GDF10: variants seen among roughly 807,000 people sequenced by gnomAD.
The protein encoded by GDF10 is growth/differentiation factor 10.
A neutral mutation model predicts 32.1 loss-of-function variants in GDF10; 23 were observed. The ratio of observed to expected loss-of-function variants is 0.72; its 90% confidence interval spans 0.52 to 1.02. The LOEUF (loss-of-function observed/expected upper bound fraction) is 1.02. GDF10 is among the 50% of genes least tolerant of loss of function. The probability of loss-of-function intolerance (pLI) is 0.00; values close to 1 mark genes in which losing one functional copy is unlikely to be tolerated. For synonymous variants in GDF10, 328 were observed against 303.1 expected (o/e 1.08, Z -0.85); for missense variants, 764 against 673.9 (o/e 1.13, Z -1.48).
rs781870251 is a variant in GDF10, at chr10:47,300,783, C to T, written c.132C>T (p.Pro44=). The T allele has an allele frequency of 1.9e-6, 3 of 1,567,132 alleles. No homozygotes were observed. In the South Asian group the frequency reaches 3.4e-5, roughly 18 times the overall value. Residue 44 remains proline, a synonymous_variant, in exon 1 of 3, where the codon CCC becomes CCT. Coordinates refer to ENST00000580279, the MANE Select transcript of GDF10 (RefSeq NM_004962.5). ...SHRAPAWSAL[P]AAADGLQGDR... ...GGGCCCCCGCCTGGTCCGCACTGCC[C>T]GCGGCCGCCGACGGCCTGCAGGGGG...
intron 1 of GDF10, among the ~76,000 whole-genome samples, chr10:47,302,348 A>T (rs528693596): frequency 1.8e-4 from 28 of 152,336 alleles, no homozygotes; most frequent in African/African-American, 6.7e-4. Context: ...GATGTACGGG[A>T]TTCCCCTGGG....
In GDF10 at chr10:47,312,715, C is replaced by G. The variant is rs2061051275; in HGVS notation, c.1360C>G (p.Leu454Val). Residue 454 changes from leucine to valine, a missense_variant, in exon 3 of 3, where the codon CTC becomes GTC. Leu to Val is a conservative substitution (Grantham distance 32). Transcript: ENST00000580279. ...CGATAAGATGAACTCCCTTGGGGTC[C>G]TCTTCCTGGATGAGAATCGGAATGT... Reference protein sequence around the residue: ...VPDKMNSLGVLFLDENRNVVL... With the variant: ...VPDKMNSLGVVFLDENRNVVL... 5 of 1,607,800 alleles carry G rather than the reference C, an allele frequency of 3.1e-6. No individual in the cohort carries two copies. Among genetic ancestry groups the G allele is most frequent in the Non-Finnish European group, 3.4e-6 (4 of 1,176,662 alleles).
chr10:47,306,379 T>C (rs2061023097), intron 1 of GDF10, among the ~76,000 whole-genome samples: 1 of 152,234 alleles, frequency 6.6e-6, no homozygotes, highest in African/African-American at 2.4e-5. Context: ...AGGCTGTGGT[T>C]ACTGCACTCT....
intron 1 of GDF10, 61 bp from the exon 2 acceptor site, chr10:47,309,735 G>T: frequency 8.7e-7 from 1 of 1,151,544 alleles, no homozygotes; most frequent in Non-Finnish European, 1.3e-6. Flanking sequence ...AGCCCTGGGT[G>T]GGAGACCCTC....
At chr10:47,307,733 T>A (rs1172781295) in intron 1 of GDF10, among the ~76,000 whole-genome samples, 3 of 152,222 alleles carry the variant, frequency 2.0e-5, no homozygotes, top group Non-Finnish European at 4.4e-5. Context: ...AGCAGAACAA[T>A]GGAGGAGTTG....
At chr10:47,310,821 T>C in intron 2 of GDF10, 100 bp downstream of exon 2, 1 of 795,914 alleles carries the variant, frequency 1.3e-6, no homozygotes, top group Non-Finnish European at 2.1e-6. Context: ...ATCTGCAAAA[T>C]GGGAATAACA....
chr10:47,303,997 G>T (rs1179096393), intron 1 of GDF10, among the ~76,000 whole-genome samples: 1 of 152,176 alleles, frequency 6.6e-6, no homozygotes, highest in African/African-American at 2.4e-5. Flanking sequence ...GGCCTGGGGG[G>T]TGGCATATAA....
At position 47,310,222 on chromosome 10, in the gene GDF10, A is replaced by G; in HGVS notation, c.746A>G (p.Asn249Ser). 3 of 1,610,728 alleles carry G rather than the reference A, an allele frequency of 1.9e-6. No homozygotes were observed. Among genetic ancestry groups the G allele is most frequent in the Non-Finnish European group, 2.5e-6 (3 of 1,178,746 alleles). The change falls in exon 2 of 3, where the codon AAC becomes AGC. Residue 249 changes from asparagine (N) to serine (S), a missense_variant. By Grantham distance (46) the Asn-to-Ser change is conservative. Coordinates refer to ENST00000580279, the MANE Select transcript of GDF10 (RefSeq NM_004962.5). ...GCGCCCTACATCCTAGTCTATGCCAACGATCTGGCCATCTCGGAGCCCAAC... is the reference window on the plus strand; with the variant it reads ...GCGCCCTACATCCTAGTCTATGCCAGCGATCTGGCCATCTCGGAGCCCAAC... Reference protein sequence around the residue: ...PYAPYILVYANDLAISEPNSV... With the variant: ...PYAPYILVYASDLAISEPNSV...
At chr10:47,301,744 G>A (rs545461396) in intron 1 of GDF10, among the ~76,000 whole-genome samples, 3 of 152,328 alleles carry the variant, frequency 2.0e-5, no homozygotes, top group East Asian at 1.9e-4. Context: ...GGGGTGGTGA[G>A]AAGACCCTGG....
intron 2 of GDF10, among the ~76,000 whole-genome samples, chr10:47,312,109 A>G: frequency 6.6e-6 from 1 of 152,300 alleles, no homozygotes; most frequent in Non-Finnish European, 1.5e-5. Context: ...GCCCCTAGGA[A>G]ATGTCAATGT....
intron 1 of GDF10, among the ~76,000 whole-genome samples, chr10:47,306,768 T>C (rs996957127): frequency 2.6e-5 from 4 of 151,482 alleles, no homozygotes; most frequent in South Asian, 2.1e-4. Context: ...TGGTACTGGA[T>C]GGGGAACCAT....
In GDF10 at chr10:47,310,133, G is replaced by A. The variant is rs781948337; in HGVS notation, c.657G>A (p.Leu219=). The A allele has an allele frequency of 1.2e-6, 2 of 1,611,440 alleles. No homozygotes were observed. The highest frequency in any genetic ancestry group is 2.2e-5 in the South Asian group (2 of 91,036). ...AGGCGGCCCGCCGGGATGGCGAGCTGCTCCTCTCCGCCCAGCTGGATTCTG... is the reference window on the plus strand; with the variant it reads ...AGGCGGCCCGCCGGGATGGCGAGCTACTCCTCTCCGCCCAGCTGGATTCTG... ...IVKAARRDGE[L]LLSAQLDSEE... Residue 219 remains leucine (L), a synonymous_variant, in exon 2 of 3, where the codon CTG becomes CTA. Coordinates refer to ENST00000580279, the MANE Select transcript of GDF10 (RefSeq NM_004962.5).
chr10:47,308,330 T>G lies in GDF10; in HGVS notation c.320-1466T>G, dbSNP rs148323156. The stretch of plus-strand genomic sequence containing the variant: ...GGCTGCTGCTTATGTGTGGAGCATG[T>G]TGAGGGGCTGTGACACTGTCCTGGC... On this transcript the variant is annotated intron_variant, in intron 1 of 2. Transcript: ENST00000580279. 6.2e-3 allele frequency among the ~76,000 whole-genome samples: 946 copies of G among 152,296 alleles called. 6 individuals carry two copies. Among genetic ancestry groups the G allele is most frequent in the Non-Finnish European group, 0.01 (690 of 68,016 alleles).
At chr10:47,306,337 T>C (rs2061022969) in intron 1 of GDF10, among the ~76,000 whole-genome samples, 1 of 152,248 alleles carries the variant, frequency 6.6e-6, no homozygotes, top group Admixed American at 6.5e-5. Flanking sequence ...CAGCTGCATC[T>C]TTGTAAAGAA....
intron 2 of GDF10, 27 bp downstream of exon 2, chr10:47,310,748 ATTCTAAGGCTCAG>A: frequency 6.6e-7 from 1 of 1,508,352 alleles, no homozygotes; most frequent in East Asian, 2.3e-5. Flanking sequence ...CTTTTGCCAA[ATTCTAAGGCTCAG>A]CTCTGCCGCT....
rs1555207626 is a variant in GDF10 at position 47,310,483 on chromosome 10, G to T, written c.1007G>T (p.Gly336Val). Residue 336 changes from glycine (G) to valine (V), a missense_variant, in exon 2 of 3, where the codon GGG becomes GTG. Coordinates refer to ENST00000580279, the MANE Select transcript of GDF10 (RefSeq NM_004962.5). The part of the protein sequence containing the change: ...SPFRALKPRP[G>V]RKDRRKKGQE... ...TTCCGGGCGCTGAAACCCCGGCCAG[G>T]GCGCAAAGACCGCAGGAAGAAGGGC... 6.2e-7 allele frequency: 1 copy of T among 1,613,774 alleles called. No individual in the cohort carries two copies. The highest frequency in any genetic ancestry group is 8.5e-7 in the Non-Finnish European group (1 of 1,179,734).
At chr10:47,311,184 C>G (rs1357433934) in intron 2 of GDF10, among the ~76,000 whole-genome samples, 1 of 152,202 alleles carries the variant, frequency 6.6e-6, no homozygotes, top group Admixed American at 6.5e-5. Context: ...CAGCAGCTCT[C>G]CCACTGTAGA....
intron 1 of GDF10, among the ~76,000 whole-genome samples, chr10:47,304,386 G>GGAGA (rs2132221549): frequency 6.6e-6 from 1 of 151,982 alleles, no homozygotes; most frequent in African/African-American, 2.4e-5. Context: ...GAGAGAGAAA[G>GGAGA]GAGAGAGGGA....
intron 2 of GDF10, among the ~76,000 whole-genome samples, chr10:47,312,125 C>T (rs556603111): frequency 6.6e-6 from 1 of 152,346 alleles, no homozygotes; most frequent in Non-Finnish European, 1.5e-5. Flanking sequence ...AATGTCCAGC[C>T]TGTCACACTG....
Sources: allele counts gnomAD v4.1 joint callset (sites outside exome capture counted in the v4.1 genomes callset), GRCh38; gene constraint gnomAD v4.1.1; transcripts MANE v1.5; gene names NCBI Gene and HGNC (gene_info 2026-07-23, HGNC 2026-07-21).